DLGAP2: variants seen among roughly 807,000 people sequenced by gnomAD.
The protein encoded by DLGAP2 is DLG associated protein 2.
In DLGAP2, 26 loss-of-function variants were observed where a neutral mutation model predicts 100.3. That is an observed-to-expected ratio of 0.26 (90% confidence interval 0.19 to 0.36). The LOEUF is 0.36. Among genes scored for constraint, DLGAP2 ranks in the 10% least tolerant of loss-of-function variants. The probability of loss-of-function intolerance (pLI) is 1.00; values close to 1 mark genes in which losing one functional copy is unlikely to be tolerated. For synonymous variants in DLGAP2, 886 were observed against 630.1 expected, an observed-to-expected ratio of 1.41 and a Z score of -6.08; for missense variants, 1,858 against 1,453.2, an observed-to-expected ratio of 1.28 and a Z score of -4.53.
intron 6 of DLGAP2, among the ~76,000 whole-genome samples, chr8:1,569,834 G>A (rs950124344): frequency 6.6e-6 from 1 of 151,916 alleles, no homozygotes; most frequent in African/African-American, 2.4e-5. Context: ...CTGTGGCACT[G>A]TTCTGCGGAG....
intron 2 of DLGAP2, among the ~76,000 whole-genome samples, chr8:1,065,523 G>A (rs1803217902): frequency 6.6e-6 from 1 of 152,124 alleles, no homozygotes; most frequent in South Asian, 2.1e-4. Context: ...CTGTGGTTGG[G>A]GAGTACAACA....
At chr8:1,382,141 C>T (rs541192305) in intron 3 of DLGAP2, among the ~76,000 whole-genome samples, 6 of 152,332 alleles carry the variant, frequency 3.9e-5, no homozygotes, top group Admixed American at 6.5e-5. Flanking sequence ...AGCAATAATA[C>T]AGTCACTGAC....
chr8:817,140 CAAAAAA>C (rs35157533), intron 1 of DLGAP2, among the ~76,000 whole-genome samples: 3 of 115,080 alleles, frequency 2.6e-5, no homozygotes, highest in African/African-American at 3.3e-5. Context: ...GACTCCGTCT[CAAAAAA>C]AAAAAAAAAA....
intron 8 of DLGAP2, among the ~76,000 whole-genome samples, chr8:1,638,635 T>G (rs183133516): frequency 2.6e-5 from 4 of 152,148 alleles, no homozygotes; most frequent in African/African-American, 9.6e-5. Flanking sequence ...AGGAATGGCT[T>G]TCAGAGGGAG....
rs1012775157 is a variant in DLGAP2 at position 1,669,663 on chromosome 8, CG to C, written c.2161-78del. ...CGGCGCTGGTAGCTAGGCATGCGGGCGGAGAGAGCAGGGGAGCCGCCCGCTG... is the reference window on the plus strand; with the variant it reads ...CGGCGCTGGTAGCTAGGCATGCGGGCGAGAGAGCAGGGGAGCCGCCCGCTG... On this transcript the variant is annotated intron_variant, in intron 9 of 14. Coordinates refer to ENST00000637795, the MANE Select transcript of DLGAP2 (RefSeq NM_001346810.2). 6.4e-6 allele frequency: 5 copies of C among 777,264 alleles called. No individual in the cohort carries two copies. In the African/African-American group the frequency reaches 8.5e-5, roughly 13 times the overall value. 48.1% of individuals were successfully genotyped at this position (777,264 alleles called of 1,614,324 possible). A position where few individuals can be genotyped will look rare whatever the true frequency, so the allele number is the denominator to read the frequency against.
chr8:1,457,566 A>C (rs1358599829), intron 3 of DLGAP2, among the ~76,000 whole-genome samples: 2 of 152,252 alleles, frequency 1.3e-5, no homozygotes, highest in African/African-American at 4.8e-5. Context: ...CTGATAAGAC[A>C]GATGGTTCTT....
intron 3 of DLGAP2, among the ~76,000 whole-genome samples, chr8:1,263,257 C>T (rs918902025): frequency 2.0e-5 from 3 of 152,018 alleles, no homozygotes; most frequent in African/African-American, 7.2e-5. Flanking sequence ...TTAGAAATTC[C>T]AGGCTAAAAG....
intron 2 of DLGAP2, among the ~76,000 whole-genome samples, chr8:1,049,823 CAT>C (rs747386340): frequency 1.3e-5 from 2 of 152,208 alleles, no homozygotes; most frequent in Non-Finnish European, 2.9e-5. Context: ...TACGTGTACA[CAT>C]ATGCATAGGC....
chr8:1,429,503 T>C (rs1302637665), intron 3 of DLGAP2, among the ~76,000 whole-genome samples: 1 of 152,106 alleles, frequency 6.6e-6, no homozygotes, highest in Non-Finnish European at 1.5e-5. Context: ...TGGGTTAACG[T>C]GCTGATGGTG....
At chr8:1,523,451 C>T (rs777433054) in intron 4 of DLGAP2, among the ~76,000 whole-genome samples, 7 of 152,206 alleles carry the variant, frequency 4.6e-5, no homozygotes, top group Non-Finnish European at 8.8e-5. Context: ...CACGCAGACA[C>T]ACGGAGCCCC....
intron 4 of DLGAP2, among the ~76,000 whole-genome samples, chr8:1,539,812 C>T (rs1201939893): frequency 6.6e-6 from 1 of 152,188 alleles, no homozygotes; most frequent in African/African-American, 2.4e-5. Context: ...GCAGGTGGGA[C>T]ACAGCTGTGC....
rs1799323389 is a variant in DLGAP2, at chr8:1,489,733, T to G, written c.107-11633T>G. 2.0e-5 allele frequency among the ~76,000 whole-genome samples: 3 copies of G among 152,126 alleles called. No homozygotes were observed. The South Asian group carries it at 6.2e-4, about 32-fold the overall frequency. ...CCAGCAGACATTTTCCAAAGCAAAC[T>G]CAGATCACAAACCGCATCGAGTTTG... On this transcript the variant is annotated intron_variant, in intron 3 of 14. Coordinates refer to ENST00000637795, the MANE Select transcript of DLGAP2 (RefSeq NM_001346810.2).
intron 1 of DLGAP2, among the ~76,000 whole-genome samples, chr8:815,804 A>C (rs2132677237): frequency 6.6e-6 from 1 of 152,318 alleles, no homozygotes; most frequent in East Asian, 1.9e-4. Context: ...GATACAAAAG[A>C]AGAATACTTT....
At chr8:751,493 C>T (rs1278044130) in intron 1 of DLGAP2, among the ~76,000 whole-genome samples, 4 of 152,226 alleles carry the variant, frequency 2.6e-5, no homozygotes, top group African/African-American at 7.2e-5. Context: ...GGGGACATTA[C>T]GGAAGTTGGA....
intron 1 of DLGAP2, among the ~76,000 whole-genome samples, chr8:895,238 T>G (rs1798122450): frequency 6.6e-6 from 1 of 152,068 alleles, no homozygotes; most frequent in Non-Finnish European, 1.5e-5. Context: ...ATTTGGTCAT[T>G]CCACAATGTA....
chr8:1,453,699 TC>T (rs569208953), intron 3 of DLGAP2, among the ~76,000 whole-genome samples: 4 of 152,260 alleles, frequency 2.6e-5, no homozygotes, highest in African/African-American at 9.6e-5. Context: ...AGCGGGAGAA[TC>T]CGCCCCATCA....
At chr8:1,266,183 T>A (rs1453205065) in intron 3 of DLGAP2, among the ~76,000 whole-genome samples, 1 of 152,248 alleles carries the variant, frequency 6.6e-6, no homozygotes, top group South Asian at 2.1e-4. Context: ...GGACGCTGTC[T>A]ACTATCTGCG....
intron 4 of DLGAP2, among the ~76,000 whole-genome samples, chr8:1,533,422 T>C (rs1443897302): frequency 6.6e-6 from 1 of 151,364 alleles, no homozygotes; most frequent in Non-Finnish European, 1.5e-5. Flanking sequence ...AGGAGAATGG[T>C]GTGAACCTGG....
rs1801375437 is a variant in DLGAP2, at chr8:1,339,683, T to C, written c.106+80800T>C. ...TTTGGCCATTGTGACCTTCGTTTAA[T>C]AGGGGGATCCGGAGTCTCAGAGGCG... On this transcript the variant is annotated intron_variant, in intron 3 of 14. Coordinates refer to ENST00000637795, the MANE Select transcript of DLGAP2 (RefSeq NM_001346810.2). Among the ~76,000 whole-genome samples, 5 of 152,280 alleles carry C rather than the reference T, an allele frequency of 3.3e-5. No homozygotes were observed. In the South Asian group the frequency reaches 8.3e-4, roughly 25 times the overall value.
Sources: allele counts gnomAD v4.1 joint callset (sites outside exome capture counted in the v4.1 genomes callset), GRCh38; gene constraint gnomAD v4.1.1; transcripts MANE v1.5; gene names NCBI Gene and HGNC (gene_info 2026-07-23, HGNC 2026-07-21).